CFAP299: variants seen among roughly 807,000 people sequenced by gnomAD.
CFAP299 encodes cilia- and flagella-associated protein 299.
CFAP299 carries 21 observed loss-of-function variants against 27.0 expected under a neutral mutation model. The observed-to-expected ratio is 0.78, with a 90% CI of 0.55 to 1.12. The LOEUF is 1.12. Among genes scored for constraint, CFAP299 ranks in the 50% most tolerant of loss-of-function variants. CFAP299 has a pLI of 0.00. For missense variants in CFAP299, 310 were observed against 276.6 expected, an observed-to-expected ratio of 1.12 and a Z score of -0.86; for synonymous variants, 104 against 98.1, an observed-to-expected ratio of 1.06 and a Z score of -0.36.
intron 3 of CFAP299, among the ~76,000 whole-genome samples, chr4:80,733,769 C>T (rs1444784984): frequency 1.3e-5 from 2 of 152,008 alleles, no homozygotes; most frequent in African/African-American, 4.8e-5. Context: ...CCTCCAGTTC[C>T]ATTTATGTTG....
chr4:80,835,822 A>G (rs1426448615), intron 3 of CFAP299, among the ~76,000 whole-genome samples: 1 of 152,196 alleles, frequency 6.6e-6, no homozygotes, highest in Non-Finnish European at 1.5e-5. Context: ...TTTTTATAAC[A>G]GCATTAGGGA....
rs71641487 is a variant in CFAP299 at position 80,447,119 on chromosome 4, G to GTTTTTT, written c.242+84240_242+84245dup. On this transcript the variant is annotated intron_variant, in intron 2 of 5. Transcript: ENST00000358105. ...TTGTTTTTGTTTTTGCTTTTTATTT[G>GTTTTTT]TTTTTTTTTTGTTTTTTTTTTTTTT... 6.9e-4 allele frequency among the ~76,000 whole-genome samples: 45 copies of GTTTTTT among 65,524 alleles called. 3 individuals are homozygous for GTTTTTT. The highest frequency in any genetic ancestry group is 4.8e-3 in the East Asian group (9 of 1,876). The allele number at this position is 65,524 out of a possible 152,430, so 43.0% of individuals were successfully genotyped here.
intron 2 of CFAP299, among the ~76,000 whole-genome samples, chr4:80,380,692 G>A (rs1724658972): frequency 1.3e-5 from 2 of 152,110 alleles, no homozygotes; most frequent in Non-Finnish European, 2.9e-5. Context: ...GCCTCCCAAA[G>A]TACTGGGATT....
chr4:80,354,605 A>T (rs1405116518), intron 1 of CFAP299, among the ~76,000 whole-genome samples: 1 of 152,024 alleles, frequency 6.6e-6, no homozygotes, highest in Non-Finnish European at 1.5e-5. Context: ...TGTTGTACAG[A>T]TTATTTCTTC....
chr4:80,728,532 G>T (rs1029683232), intron 3 of CFAP299, among the ~76,000 whole-genome samples: 1 of 151,954 alleles, frequency 6.6e-6, no homozygotes, highest in Non-Finnish European at 1.5e-5. Context: ...TTTATTTGGA[G>T]CTTATATTTT....
intron 2 of CFAP299, among the ~76,000 whole-genome samples, chr4:80,480,216 A>C (rs17004908): frequency 6.6e-6 from 1 of 151,808 alleles, no homozygotes. Context: ...GAAAATGTGA[A>C]GATACTGCTT....
At chr4:80,514,797 G>A (rs1208919807) in intron 2 of CFAP299, among the ~76,000 whole-genome samples, 2 of 151,974 alleles carry the variant, frequency 1.3e-5, no homozygotes, top group Non-Finnish European at 2.9e-5. Flanking sequence ...GGAGAGAAAA[G>A]CATGGCCACT....
chr4:80,350,009 T>G (rs1421422218), intron 1 of CFAP299, among the ~76,000 whole-genome samples: 2 of 151,602 alleles, frequency 1.3e-5, no homozygotes, highest in African/African-American at 4.8e-5. Flanking sequence ...AATAAGTGAG[T>G]TTAGAAAGGA....
intron 4 of CFAP299, among the ~76,000 whole-genome samples, chr4:80,911,092 C>G (rs566019351): frequency 2.0e-5 from 3 of 151,922 alleles, no homozygotes; most frequent in Non-Finnish European, 4.4e-5. Flanking sequence ...GTATGCAGAG[C>G]CTTTGCAATT....
At chr4:80,751,212 T>C (rs1173656014) in intron 3 of CFAP299, among the ~76,000 whole-genome samples, 1 of 152,050 alleles carries the variant, frequency 6.6e-6, no homozygotes, top group Non-Finnish European at 1.5e-5. Context: ...AGACCCTCTC[T>C]CCCAGGGCCT....
At chr4:80,433,263 A>AAC (rs972985427) in intron 2 of CFAP299, among the ~76,000 whole-genome samples, 39 of 152,324 alleles carry the variant, frequency 2.6e-4, no homozygotes, top group African/African-American at 9.4e-4. Context: ...GAGTAATTAA[A>AAC]ACAAGCATTT....
intron 2 of CFAP299, among the ~76,000 whole-genome samples, chr4:80,550,589 T>A (rs913118377): frequency 1.3e-5 from 2 of 152,072 alleles, no homozygotes; most frequent in Non-Finnish European, 2.9e-5. Context: ...TGTTAAGAAT[T>A]AGTTATATTG....
intron 3 of CFAP299, among the ~76,000 whole-genome samples, chr4:80,683,443 T>C (rs1453782328): frequency 6.6e-6 from 1 of 152,192 alleles, no homozygotes; most frequent in East Asian, 1.9e-4. Context: ...AAGGGATGTT[T>C]AACAGGGGAG....
At chr4:80,714,014 A>AATATAT (rs369191910) in intron 3 of CFAP299, among the ~76,000 whole-genome samples, 4 of 151,274 alleles carry the variant, frequency 2.6e-5, no homozygotes, top group African/African-American at 9.7e-5. Flanking sequence ...GAGATAGTGG[A>AATATAT]ATATATATAT....
intron 2 of CFAP299, among the ~76,000 whole-genome samples, chr4:80,439,040 G>A (rs9990885): frequency 0.64 from 97,147 of 151,880 alleles, 33,745 homozygotes; most frequent in Non-Finnish European, 0.76. Context: ...AGTATATAGT[G>A]TAGTTTTCCA....
chr4:80,944,173 G>T (rs543047750), intron 4 of CFAP299, among the ~76,000 whole-genome samples: 294 of 152,186 alleles, frequency 1.9e-3, no homozygotes, highest in African/African-American at 6.8e-3. Flanking sequence ...TACAAATTTG[G>T]ATTGAAATAT....
intron 1 of CFAP299, among the ~76,000 whole-genome samples, chr4:80,339,374 A>G (rs543768630): frequency 1.3e-5 from 2 of 152,352 alleles, no homozygotes; most frequent in South Asian, 2.1e-4. Flanking sequence ...TGACCACAAT[A>G]TAATTATTTA....
At chr4:80,685,446 C>T (rs1176878823) in intron 3 of CFAP299, among the ~76,000 whole-genome samples, 1 of 151,926 alleles carries the variant, frequency 6.6e-6, no homozygotes, top group Non-Finnish European at 1.5e-5. Flanking sequence ...TTATGTCATA[C>T]CACACACATC....
chr4:80,922,008 G>T (rs1344458837), intron 4 of CFAP299, among the ~76,000 whole-genome samples: 1 of 152,006 alleles, frequency 6.6e-6, no homozygotes, highest in African/African-American at 2.4e-5. Flanking sequence ...CAAGGACTCA[G>T]TTCTGTATAT....
Sources: gnomAD v4.1 joint callset for allele counts (sites outside exome capture counted in the v4.1 genomes callset) on GRCh38, gnomAD v4.1.1 for gene constraint, MANE v1.5 for transcripts, NCBI Gene and HGNC (gene_info 2026-07-23, HGNC 2026-07-21) for gene names.